The following TEX36 variants were observed in gnomAD, a reference collection of about 807,000 sequenced individuals.
TEX36 encodes testis-expressed protein 36.
Under a neutral mutation model 13.6 loss-of-function variants are expected in TEX36, and 12 were observed. The observed-to-expected ratio is 0.88, with a 90% CI of 0.56 to 1.43. The LOEUF is 1.43. Ranked by LOEUF, TEX36 falls within the 40% of genes most tolerant of loss-of-function variation. TEX36 has a pLI of 0.00. For missense variants in TEX36, 224 were observed against 228.3 expected, an observed-to-expected ratio of 0.98 and a Z score of 0.12; for synonymous variants, 93 against 83.0, an observed-to-expected ratio of 1.12 and a Z score of -0.65.
intron 3 of TEX36, among the ~76,000 whole-genome samples, chr10:125,625,734 AC>A (rs1290559300): frequency 6.6e-6 from 1 of 152,238 alleles, no homozygotes; most frequent in East Asian, 1.9e-4. Flanking sequence ...CGTTGCCAAC[AC>A]CCCAGAGGCG....
rs564718215 is a variant in TEX36 at position 125,647,045 on chromosome 10, C to T, written c.264+13976G>A. 1.1e-4 allele frequency among the ~76,000 whole-genome samples: 16 copies of T among 152,226 alleles called. No individual in the cohort carries two copies. In the East Asian group the frequency reaches 1.9e-3, roughly 18 times the overall value. ...ATTGCATATCGAATTCTGAATGTAT[C>T]GAAAGCATAATACCTCATAACAAAT... On this transcript the variant is annotated intron_variant, in intron 3 of 3. Coordinates refer to the TEX36 transcript ENST00000526819.
downstream of TEX36, among the ~76,000 whole-genome samples, chr10:125,619,015 A>AGCTACTT (rs1205782556): frequency 6.7e-6 from 1 of 150,054 alleles, no homozygotes; most frequent in African/African-American, 2.5e-5. Flanking sequence ...CTGTAGTCTC[A>AGCTACTT]GCTACTTGGG....
At chr10:125,592,852 A>G (rs1388422285) in intron 3 of TEX36, among the ~76,000 whole-genome samples, 1 of 152,198 alleles carries the variant, frequency 6.6e-6, no homozygotes, top group Non-Finnish European at 1.5e-5. Flanking sequence ...AAAGAATGCT[A>G]CAAAGGATAG....
chr10:125,604,349 C>T (rs1260639954), intron 3 of TEX36, among the ~76,000 whole-genome samples: 1 of 152,184 alleles, frequency 6.6e-6, no homozygotes. Flanking sequence ...CTATTGTGAA[C>T]TGTGCATGCA....
At chr10:125,576,787 G>T in exon 4 of TEX36, 1 of 1,535,776 alleles carries the variant, frequency 6.5e-7, no homozygotes, top group Non-Finnish European at 8.7e-7. Flanking sequence ...CTCAGGCCTG[G>T]ATGAGGAATG....
chr10:125,584,885 A>C lies in TEX36; in HGVS notation c.265-8011T>G, dbSNP rs569400544. Among the ~76,000 whole-genome samples, 8 of 152,370 alleles carry C rather than the reference A, an allele frequency of 5.3e-5. No individual in the cohort carries two copies. The East Asian group carries it at 1.5e-3, about 29-fold the overall frequency. ...CAGCAGCCTGAGAGGACTACTACAC[A>C]TATTAACATTTTGAACATCTGCTGT... On this transcript the variant is annotated intron_variant, in intron 3 of 3. Transcript: ENST00000532135.
chr10:125,628,446 GGAAAA>G lies in TEX36; in HGVS notation c.265-6806_265-6802del, dbSNP rs1365920358. ...GCAGTGAACCTTCAGAGAGGAGAATGGAAAAGAAAAGAAGCTGCTTTTTAGAAGTT... is the reference window on the plus strand; with the variant it reads ...GCAGTGAACCTTCAGAGAGGAGAATGGAAAAGAAGCTGCTTTTTAGAAGTT... On this transcript the variant is annotated intron_variant, in intron 3 of 3. Transcript: ENST00000526819. Among the ~76,000 whole-genome samples, 3 of 151,758 alleles carry G rather than the reference GGAAAA, an allele frequency of 2.0e-5. No individual in the cohort carries two copies. In the East Asian group the frequency reaches 5.8e-4, roughly 29 times the overall value.
chr10:125,637,948 C>T (rs1433950361), intron 3 of TEX36, among the ~76,000 whole-genome samples: 1 of 152,058 alleles, frequency 6.6e-6, no homozygotes, highest in Non-Finnish European at 1.5e-5. Flanking sequence ...GCCGGGCCCC[C>T]TCCAACTTCC....
chr10:125,611,720 G>A (rs912169431), intron 3 of TEX36, among the ~76,000 whole-genome samples: 6 of 151,548 alleles, frequency 4.0e-5, no homozygotes, highest in Non-Finnish European at 7.4e-5. Context: ...TTTAAATGTT[G>A]ACAGGGTCAA....
chr10:125,608,258 G>A (rs1846239163), intron 3 of TEX36, among the ~76,000 whole-genome samples: 1 of 131,904 alleles, frequency 7.6e-6, no homozygotes. Context: ...GTGGGTGGTG[G>A]AAATGTCCTA....
At chr10:125,645,705 T>C (rs1370919787) in intron 3 of TEX36, among the ~76,000 whole-genome samples, 1 of 152,228 alleles carries the variant, frequency 6.6e-6, no homozygotes, top group African/African-American at 2.4e-5. Context: ...ACCAGAGTTA[T>C]GCCAGATATT....
At position 125,667,391 on chromosome 10, in the gene TEX36, G is replaced by T. The variant is rs768746494; in HGVS notation, c.52-5414C>A. 7.0e-5 allele frequency: 46 copies of T among 653,958 alleles called. No individual in the cohort carries two copies. In the African/African-American group the frequency reaches 7.9e-4, roughly 11 times the overall value. The allele number at this position is 653,958 out of a possible 1,614,324, so 40.5% of individuals were successfully genotyped here. ...CCCATTAGGGGGGATCTCAGGCTCC[G>T]CAATGGGCACAATGCCACTCTGCTA... On this transcript the variant is annotated intron_variant, in intron 1 of 3. Transcript: ENST00000368821.
intron 3 of TEX36, among the ~76,000 whole-genome samples, chr10:125,582,244 T>C (rs139892591): frequency 6.6e-6 from 1 of 152,314 alleles, no homozygotes; most frequent in East Asian, 1.9e-4. Context: ...AGAAGAATCA[T>C]GAGTTTCACT....
intron 1 of TEX36, among the ~76,000 whole-genome samples, chr10:125,676,307 A>G (rs569294678): frequency 3.9e-5 from 6 of 152,340 alleles, no homozygotes; most frequent in African/African-American, 1.4e-4. Flanking sequence ...TTGGATAGCC[A>G]TATATTTAGA....
At chr10:125,647,459 A>G (rs1846787701) in intron 3 of TEX36, among the ~76,000 whole-genome samples, 1 of 152,264 alleles carries the variant, frequency 6.6e-6, no homozygotes, top group Non-Finnish European at 1.5e-5. Context: ...CTGTAAACCT[A>G]AAACTGCTCT....
At chr10:125,605,747 G>T (rs1309247869) in intron 3 of TEX36, among the ~76,000 whole-genome samples, 2 of 152,062 alleles carry the variant, frequency 1.3e-5, no homozygotes, top group African/African-American at 4.8e-5. Context: ...GATTACAGGT[G>T]CCCACCAACA....
rs969361840 is a variant in TEX36 at position 125,608,171 on chromosome 10, G to T, written c.265-31297C>A. Among the ~76,000 whole-genome samples, 8 of 152,310 alleles carry T rather than the reference G, an allele frequency of 5.3e-5. No homozygotes were observed. The East Asian group carries it at 1.3e-3, about 26-fold the overall frequency. On this transcript the variant is annotated intron_variant, in intron 3 of 3. Coordinates refer to the TEX36 transcript ENST00000532135. The stretch of plus-strand genomic sequence containing the variant: ...AAACAAGGACACTGTTCACAATAAA[G>T]AGAAAGGAGGATGTGGGTCCTGTGA...
At chr10:125,676,535 T>C (rs1394984184) in intron 1 of TEX36, among the ~76,000 whole-genome samples, 1 of 152,178 alleles carries the variant, frequency 6.6e-6, no homozygotes, top group African/African-American at 2.4e-5. Context: ...GTAAGCAGCA[T>C]ATAGTTGGAT....
intron 1 of TEX36, among the ~76,000 whole-genome samples, chr10:125,680,080 C>CT (rs777473633): frequency 8.5e-5 from 13 of 152,220 alleles, no homozygotes; most frequent in Non-Finnish European, 1.8e-4. Flanking sequence ...CAACCTATAT[C>CT]TTTCTCATTC....
Sources: allele counts gnomAD v4.1 joint callset (sites outside exome capture counted in the v4.1 genomes callset), GRCh38; gene constraint gnomAD v4.1.1; transcripts MANE v1.5; gene names NCBI Gene and HGNC (gene_info 2026-07-23, HGNC 2026-07-21).